Variants in MAPK10 observed in about 807,000 individuals in gnomAD.
MAPK10 encodes the protein mitogen-activated protein kinase 10.
A neutral mutation model predicts 59.3 loss-of-function variants in MAPK10; 25 were observed. The observed-to-expected ratio is 0.42, with a 90% CI of 0.31 to 0.59. The LOEUF is 0.59. Ranked by LOEUF, MAPK10 falls within the 20% of genes least tolerant of loss-of-function variation. MAPK10 has a pLI of 0.15. For missense variants in MAPK10, 351 were observed against 568.9 expected, an observed-to-expected ratio of 0.62 and a Z score of 3.90; for synonymous variants, 190 against 200.5, an observed-to-expected ratio of 0.95 and a Z score of 0.44.
intron 1 of MAPK10, among the ~76,000 whole-genome samples, chr4:86,466,205 T>C (rs1752185395): frequency 1.3e-5 from 2 of 152,188 alleles, no homozygotes; most frequent in South Asian, 4.1e-4. Flanking sequence ...AAATAATGAA[T>C]GTACTTGTTT....
intron 2 of MAPK10, among the ~76,000 whole-genome samples, chr4:86,274,951 T>C (rs1477183534): frequency 6.6e-6 from 1 of 151,990 alleles, no homozygotes; most frequent in Non-Finnish European, 1.5e-5. Flanking sequence ...TAAAATATTT[T>C]CCCAGTGAAA....
At chr4:86,432,813 A>C (rs1475722672) in intron 1 of MAPK10, among the ~76,000 whole-genome samples, 1 of 152,178 alleles carries the variant, frequency 6.6e-6, no homozygotes, top group African/African-American at 2.4e-5. Context: ...CATAATGGGC[A>C]ACAAGGGCAG....
chr4:86,569,207 A>G (rs1482066251), intron 1 of MAPK10, among the ~76,000 whole-genome samples: 2 of 152,188 alleles, frequency 1.3e-5, no homozygotes, highest in Non-Finnish European at 2.9e-5. Context: ...TATGCTCAAC[A>G]TCACCAATCA....
chr4:86,364,126 T>C (rs575192665), upstream of MAPK10, among the ~76,000 whole-genome samples: 1 of 147,358 alleles, frequency 6.8e-6, no homozygotes, highest in Non-Finnish European at 1.5e-5. Context: ...TTGTTGTTGA[T>C]TTGTTTTGTT....
intron 4 of MAPK10, among the ~76,000 whole-genome samples, chr4:86,129,544 A>G (rs4522858): frequency 0.01 from 1,523 of 152,300 alleles, 23 homozygotes; most frequent in African/African-American, 0.035. Flanking sequence ...TTTTAAACCA[A>G]GATTGAAGTT....
At chr4:86,171,835 A>G (rs2074273489) in intron 3 of MAPK10, among the ~76,000 whole-genome samples, 1 of 150,280 alleles carries the variant, frequency 6.7e-6, no homozygotes, top group African/African-American at 2.5e-5. Flanking sequence ...TCATCTGACA[A>G]AGGGCTAATA....
At chr4:86,231,827 A>C (rs1213469240) in intron 2 of MAPK10, among the ~76,000 whole-genome samples, 1 of 152,208 alleles carries the variant, frequency 6.6e-6, no homozygotes, top group East Asian at 1.9e-4. Context: ...ATGAAAATGC[A>C]GGACCCTTTT....
chr4:86,344,503 C>T (rs1215543365), intron 2 of MAPK10, among the ~76,000 whole-genome samples: 3 of 149,858 alleles, frequency 2.0e-5, no homozygotes, highest in African/African-American at 7.3e-5. Flanking sequence ...AAGCCCCCTA[C>T]TTTAATAGTG....
At chr4:86,395,951 A>C (rs1742857401) in intron 1 of MAPK10, among the ~76,000 whole-genome samples, 4 of 152,190 alleles carry the variant, frequency 2.6e-5, no homozygotes, top group Admixed American at 2.0e-4. Flanking sequence ...CAACATACGA[A>C]TTTTGGGAAG....
intron 2 of MAPK10, among the ~76,000 whole-genome samples, chr4:86,325,302 ATAAT>A (rs529193782): frequency 1.4e-3 from 207 of 152,362 alleles, no homozygotes; most frequent in African/African-American, 4.9e-3. Context: ...TTTACATGAA[ATAAT>A]TAATTCACAA....
At chr4:86,079,610 T>C (rs1482098810) in intron 9 of MAPK10, 1 of 152,202 alleles carries the variant, frequency 6.6e-6, no homozygotes, top group East Asian at 1.9e-4. Context: ...TTGGCATCTC[T>C]ATTTTAAAGC....
intron 11 of MAPK10, among the ~76,000 whole-genome samples, chr4:86,036,668 A>G (rs1340915321): frequency 6.6e-6 from 1 of 152,234 alleles, no homozygotes. Context: ...TGAATCTAAA[A>G]TAAAGACTAA....
At chr4:86,492,227 G>A (rs990031268) in intron 1 of MAPK10, among the ~76,000 whole-genome samples, 5 of 152,152 alleles carry the variant, frequency 3.3e-5, no homozygotes, top group Non-Finnish European at 7.4e-5. Flanking sequence ...GGTAGGTCTC[G>A]AGAAGGAATG....
At chr4:86,133,278 G>C (rs1171165201) in intron 4 of MAPK10, among the ~76,000 whole-genome samples, 1 of 152,024 alleles carries the variant, frequency 6.6e-6, no homozygotes, top group East Asian at 1.9e-4. Flanking sequence ...TAGTAAAAAG[G>C]GTATTATATC....
intron 2 of MAPK10, among the ~76,000 whole-genome samples, chr4:86,195,909 T>A (rs1368542769): frequency 1.3e-5 from 2 of 152,224 alleles, no homozygotes; most frequent in African/African-American, 4.8e-5. Flanking sequence ...TCATCCTCTT[T>A]ACGGATGCAT....
rs192603683 is a variant in MAPK10 at position 86,412,595 on chromosome 4, G to A, written c.-122+40435C>T. ...CCCATATTTCTTGGAGGCTTTCTTC[G>A]TTTCTTTTCATTCTTTTTTCTCTAA... On this transcript the variant is annotated intron_variant, in intron 1 of 13. Transcript: ENST00000361569. Among the ~76,000 whole-genome samples, 153 of 151,982 alleles carry A rather than the reference G, an allele frequency of 1.0e-3. 1 individual carries two copies. The East Asian group carries it at 0.018, about 18-fold the overall frequency.
chr4:86,196,031 G>C (rs1303947075), intron 2 of MAPK10, among the ~76,000 whole-genome samples: 1 of 152,184 alleles, frequency 6.6e-6, no homozygotes, highest in Non-Finnish European at 1.5e-5. Context: ...ATAAACATAA[G>C]TGTGCATATG....
At chr4:86,207,516 A>C (rs1327785939) in intron 2 of MAPK10, among the ~76,000 whole-genome samples, 1 of 151,980 alleles carries the variant, frequency 6.6e-6, no homozygotes, top group African/African-American at 2.4e-5. Flanking sequence ...CTTAGGATTG[A>C]CTTGGCGATA....
rs146619084 is a variant in MAPK10, at chr4:86,412,420, G to A, written c.-122+40610C>T. On this transcript the variant is annotated intron_variant, in intron 1 of 13. Transcript: ENST00000361569. ...AAGGAACATCTTTGTGGTGTTCTCC[G>A]TATTTCCTGAATTTGAATGTTGGCC... Among the ~76,000 whole-genome samples, 194 of 152,202 alleles carry A rather than the reference G, an allele frequency of 1.3e-3. 1 individual carries two copies. The highest frequency in any genetic ancestry group is 4.3e-3 in the African/African-American group (179 of 41,524).
Sources: allele counts gnomAD v4.1 joint callset (sites outside exome capture counted in the v4.1 genomes callset), GRCh38; gene constraint gnomAD v4.1.1; transcripts MANE v1.5; gene names NCBI Gene and HGNC (gene_info 2026-07-23, HGNC 2026-07-21).